The following ARHGAP5 variants were observed in gnomAD, a reference collection of about 807,000 sequenced individuals.
The protein encoded by ARHGAP5 is Rho GTPase activating protein 5.
A neutral mutation model predicts 116.6 loss-of-function variants in ARHGAP5; 23 were observed. The observed-to-expected ratio is 0.20, with a 90% CI of 0.14 to 0.28. The LOEUF is 0.28. Among genes scored for constraint, ARHGAP5 ranks in the 10% least tolerant of loss-of-function variants. ARHGAP5 has a pLI of 1.00. For synonymous variants in ARHGAP5, 574 were observed against 602.0 expected, an observed-to-expected ratio of 0.95 and a Z score of 0.68; for missense variants, 1,405 against 1,774.8, an observed-to-expected ratio of 0.79 and a Z score of 3.74.
chr14:32,129,721 A>G (rs1014535053), intron 3 of ARHGAP5, among the ~76,000 whole-genome samples: 3 of 151,398 alleles, frequency 2.0e-5, no homozygotes, highest in African/African-American at 7.3e-5. Context: ...CTCCTGCCCT[A>G]CCTTGTCTGG....
At position 32,090,699 on chromosome 14, in the gene ARHGAP5, C is replaced by G; in HGVS notation, c.30C>G (p.Pro10=). 1 of 1,609,514 alleles carries G rather than the reference C, an allele frequency of 6.2e-7. No homozygotes were observed. The highest frequency in any genetic ancestry group is 2.2e-5 in the East Asian group (1 of 44,822). Residue 10 remains proline (P), a synonymous_variant, in exon 2 of 7, where the codon CCC becomes CCG. Transcript: ENST00000345122. ...TGGCAAAAAACAAAGAGCCTCGTCCCCCATCCTATACCATCAGTATAGTTG... is the reference window on the plus strand; with the variant it reads ...TGGCAAAAAACAAAGAGCCTCGTCCGCCATCCTATACCATCAGTATAGTTG... MMAKNKEPR[P]PSYTISIVGL... is the part of the protein sequence containing the mutation.
intron 1 of ARHGAP5, among the ~76,000 whole-genome samples, chr14:32,085,274 C>T (rs1311107661): frequency 6.6e-6 from 1 of 151,788 alleles, no homozygotes; most frequent in Admixed American, 6.6e-5. Context: ...AAGGAGAACC[C>T]CTCTCTACAA....
intron 1 of ARHGAP5, among the ~76,000 whole-genome samples, chr14:32,082,578 C>T (rs1328901223): frequency 6.6e-6 from 1 of 151,944 alleles, no homozygotes; most frequent in Non-Finnish European, 1.5e-5. Flanking sequence ...TGGGGTCTTG[C>T]TCTGTCACCC....
chr14:32,137,928 T>C (rs868310492), intron 3 of ARHGAP5, among the ~76,000 whole-genome samples: 4 of 147,314 alleles, frequency 2.7e-5, no homozygotes, highest in South Asian at 2.1e-4. Flanking sequence ...GCCAAGATCA[T>C]GCCATTGCAC....
intron 3 of ARHGAP5, among the ~76,000 whole-genome samples, chr14:32,125,151 T>A (rs1476272582): frequency 6.6e-6 from 1 of 152,214 alleles, no homozygotes; most frequent in Non-Finnish European, 1.5e-5. Context: ...CTGTACACAT[T>A]AAGCAGTTAT....
At position 32,157,946 on chromosome 14, in the gene ARHGAP5, T is replaced by C. The variant is rs767424387; in HGVS notation, c.*2998T>C. Reference sequence around the variant, plus strand: ...TGGTGATTTTTAGTTTTTTATACAGTAATAATTGTGATGCTATTTGTCAAC... The same window carrying C: ...TGGTGATTTTTAGTTTTTTATACAGCAATAATTGTGATGCTATTTGTCAAC... On this transcript the variant is annotated 3_prime_UTR_variant, in exon 7 of 7. Transcript: ENST00000345122. The C allele has an allele frequency of 6.6e-6, 1 of 151,770 alleles. No individual in the cohort carries two copies. The highest frequency in any genetic ancestry group is 1.5e-5 in the Non-Finnish European group (1 of 67,676). The allele number at this position is 151,770 out of a possible 1,614,324, so 9.4% of individuals were successfully genotyped here.
chr14:32,100,026 C>A (rs955744268), intron 2 of ARHGAP5, among the ~76,000 whole-genome samples: 1 of 152,126 alleles, frequency 6.6e-6, no homozygotes, highest in Non-Finnish European at 1.5e-5. Flanking sequence ...AAAATCATGA[C>A]CCATTATATA....
At chr14:32,132,490 T>C (rs1880555672) in intron 3 of ARHGAP5, among the ~76,000 whole-genome samples, 2 of 152,230 alleles carry the variant, frequency 1.3e-5, no homozygotes, top group East Asian at 1.9e-4. Context: ...TATTAGCCCT[T>C]TGTCAGATGA....
At chr14:32,143,616 C>A (rs1881241118) in intron 3 of ARHGAP5, among the ~76,000 whole-genome samples, 1 of 152,126 alleles carries the variant, frequency 6.6e-6, no homozygotes, top group Admixed American at 6.6e-5. Context: ...TTTCTAATCC[C>A]TTTATTGCTT....
intron 2 of ARHGAP5, among the ~76,000 whole-genome samples, chr14:32,100,541 G>T (rs1189417266): frequency 6.6e-6 from 1 of 152,126 alleles, no homozygotes; most frequent in Non-Finnish European, 1.5e-5. Context: ...TGTTTACACA[G>T]CATTTACACT....
rs749871065 is a variant in ARHGAP5, at chr14:32,155,849, C to A, written c.*901C>A. On this transcript the variant is annotated 3_prime_UTR_variant, in exon 7 of 7. Coordinates refer to ENST00000345122, the MANE Select transcript of ARHGAP5 (RefSeq NM_001030055.2). ...GACATTTTCATATAAGGTTATATAA[C>A]TTTTCATACATAAACATGAAATTTG... 1.9e-4 allele frequency: 29 copies of A among 152,574 alleles called. No homozygotes were observed. Among genetic ancestry groups the A allele is most frequent in the Non-Finnish European group, 3.8e-4 (26 of 67,954 alleles). 9.5% of individuals were successfully genotyped at this position (152,574 alleles called of 1,614,324 possible).
At chr14:32,127,934 C>T (rs1303436446) in intron 3 of ARHGAP5, among the ~76,000 whole-genome samples, 10 of 148,320 alleles carry the variant, frequency 6.7e-5, no homozygotes, top group African/African-American at 1.5e-4. Flanking sequence ...GACGTGGTCA[C>T]GGCCGGGCAG....
At chr14:32,100,378 C>T (rs917476492) in intron 2 of ARHGAP5, among the ~76,000 whole-genome samples, 2 of 151,870 alleles carry the variant, frequency 1.3e-5, no homozygotes, top group African/African-American at 2.4e-5. Flanking sequence ...TTTTTGTTGT[C>T]ATAGAGATGG....
At chr14:32,084,998 C>T (rs2041814687) in intron 1 of ARHGAP5, among the ~76,000 whole-genome samples, 1 of 151,436 alleles carries the variant, frequency 6.6e-6, no homozygotes, top group Non-Finnish European at 1.5e-5. Context: ...GACAGTGACA[C>T]CCTATTTAAA....
chr14:32,085,455 A>G (rs1016591237), intron 1 of ARHGAP5, among the ~76,000 whole-genome samples: 1 of 152,168 alleles, frequency 6.6e-6, no homozygotes, highest in African/African-American at 2.4e-5. Context: ...TATCTCAAAA[A>G]CAAACAAAAA....
At chr14:32,120,126 G>A (rs1297731470) in intron 3 of ARHGAP5, among the ~76,000 whole-genome samples, 1 of 152,078 alleles carries the variant, frequency 6.6e-6, no homozygotes, top group African/African-American at 2.4e-5. Flanking sequence ...TTCTTTAGTA[G>A]ATATAGTGCT....
Position 32,090,947 on chromosome 14 carries a change from T to C in ARHGAP5, c.278T>C (p.Ile93Thr). ...EDGVECKIHV[I>T]EQTEFIDDQT... ...GGAGTAGAATGCAAAATTCATGTCATTGAACAAACAGAGTTCATTGATGAC... is the reference window on the plus strand; with the variant it reads ...GGAGTAGAATGCAAAATTCATGTCACTGAACAAACAGAGTTCATTGATGAC... The change falls in exon 2 of 7, where the codon ATT (isoleucine) becomes ACT (threonine). Residue 93 changes from isoleucine to threonine, a missense_variant. Physicochemically the swap from Ile to Thr is moderately conservative, Grantham distance 89. Transcript: ENST00000345122. 2 of 1,613,670 alleles carry C rather than the reference T, an allele frequency of 1.2e-6. No homozygotes were observed. The highest frequency in any genetic ancestry group is 1.7e-6 in the Non-Finnish European group (2 of 1,179,660).
At chr14:32,097,465 TAAG>T (rs1216914182) in intron 2 of ARHGAP5, among the ~76,000 whole-genome samples, 2 of 152,178 alleles carry the variant, frequency 1.3e-5, no homozygotes, top group Non-Finnish European at 2.9e-5. Context: ...TAGGAACAGG[TAAG>T]AACTTTCTTG....
At position 32,094,161 on chromosome 14, in the gene ARHGAP5, C is replaced by A; in HGVS notation, c.3492C>A (p.Ala1164=). The A allele has an allele frequency of 6.2e-7, 1 of 1,613,020 alleles. No individual in the cohort carries two copies. Among genetic ancestry groups the A allele is most frequent in the Non-Finnish European group, 8.5e-7 (1 of 1,179,724 alleles). ...AATCTAAAACCTTGTTTAGTAAAGC[C>A]AAGTCATACTATAGAAGAACACATT... is the stretch of plus-strand genomic sequence containing the variant. ...KYKSKTLFSK[A]KSYYRRTHSD... Residue 1164 remains alanine, a synonymous_variant, in exon 2 of 7, where the codon GCC becomes GCA. Coordinates refer to ENST00000345122, the MANE Select transcript of ARHGAP5 (RefSeq NM_001030055.2).
Sources: gnomAD v4.1 joint callset for allele counts (sites outside exome capture counted in the v4.1 genomes callset) on GRCh38, gnomAD v4.1.1 for gene constraint, MANE v1.5 for transcripts, NCBI Gene and HGNC (gene_info 2026-07-23, HGNC 2026-07-21) for gene names.